Variants in NBEA observed in about 807,000 individuals in gnomAD.
The protein encoded by NBEA is lysosomal-trafficking regulator 2.
In NBEA, 44 loss-of-function variants were observed where a neutral mutation model predicts 343.4. That is an observed-to-expected ratio of 0.13 (90% confidence interval 0.10 to 0.16). The LOEUF is 0.16. NBEA is among the 10% of genes least tolerant of loss of function. The pLI is 1.00. For missense variants in NBEA, 2,555 were observed against 3,631.3 expected (o/e 0.70, Z 7.62); for synonymous variants, 1,175 against 1,238.7 (o/e 0.95, Z 1.08).
chr13:35,601,733 G>A (rs2082055100), intron 47 of NBEA, among the ~76,000 whole-genome samples: 2 of 134,854 alleles, frequency 1.5e-5, no homozygotes. Context: ...TTGGACTCCA[G>A]CCTGGGTGGC....
At chr13:34,952,783 A>C (rs914042652) in intron 1 of NBEA, among the ~76,000 whole-genome samples, 1 of 150,584 alleles carries the variant, frequency 6.6e-6, no homozygotes, top group South Asian at 2.1e-4. Context: ...TCTGAGAAAA[A>C]TAACGCAGCA....
intron 49 of NBEA, among the ~76,000 whole-genome samples, chr13:35,630,105 T>C (rs1758729249): frequency 6.6e-6 from 1 of 152,134 alleles, no homozygotes; most frequent in Non-Finnish European, 1.5e-5. Flanking sequence ...TTAAGCATCT[T>C]ATATGTGATG....
chr13:34,963,451 TC>T (rs1451784905), intron 1 of NBEA, among the ~76,000 whole-genome samples: 1 of 151,942 alleles, frequency 6.6e-6, no homozygotes, highest in African/African-American at 2.4e-5. Flanking sequence ...TGTACTGTGT[TC>T]CCCCCAAAAT....
chr13:35,341,186 G>A (rs1179249641), intron 36 of NBEA, among the ~76,000 whole-genome samples: 5 of 151,874 alleles, frequency 3.3e-5, no homozygotes, highest in African/African-American at 9.7e-5. Context: ...AATGGTGCTG[G>A]AACAACTGGA....
At chr13:34,995,353 A>C (rs1462260305) in intron 1 of NBEA, among the ~76,000 whole-genome samples, 1 of 151,322 alleles carries the variant, frequency 6.6e-6, no homozygotes, top group South Asian at 2.1e-4. Flanking sequence ...GCTACTGAGG[A>C]GGCTGAGGCA....
intron 33 of NBEA, among the ~76,000 whole-genome samples, chr13:35,230,407 C>T (rs1047104374): frequency 2.6e-5 from 4 of 151,960 alleles, no homozygotes; most frequent in Non-Finnish European, 4.4e-5. Flanking sequence ...ACATTAAATC[C>T]AATAGCTATG....
rs1418193940 is a variant in NBEA, at chr13:35,133,748, T to C, written c.2337-8521T>C. 3.9e-5 allele frequency among the ~76,000 whole-genome samples: 6 copies of C among 151,982 alleles called. No homozygotes were observed. In the East Asian group the frequency reaches 1.2e-3, roughly 29 times the overall value. ...TTTCAAAAATACGTGAAGACAAAAT[T>C]GTAAATTGCGTATGAATAGATATTC... On this transcript the variant is annotated intron_variant, in intron 17 of 58. Coordinates refer to ENST00000379939, the MANE Select transcript of NBEA (RefSeq NM_001385012.1).
chr13:35,646,194 A>G, intron 50 of NBEA, 65 bp from the exon 51 acceptor site: 1 of 1,249,874 alleles, frequency 8.0e-7, no homozygotes, highest in Non-Finnish European at 1.2e-6. Flanking sequence ...TGCGTTGTCA[A>G]AGAGTGTGTT....
At chr13:35,578,070 A>T (rs145284676) in intron 45 of NBEA, among the ~76,000 whole-genome samples, 1 of 152,214 alleles carries the variant, frequency 6.6e-6, no homozygotes, top group East Asian at 1.9e-4. Flanking sequence ...AGATAACACG[A>T]TAACTTAGAT....
At chr13:35,651,661 G>A in intron 52 of NBEA, 144 bp from the exon 53 acceptor site, 1 of 632,770 alleles carries the variant, frequency 1.6e-6, no homozygotes, top group East Asian at 2.8e-5. Context: ...GCTGTCTACA[G>A]AGACACATAG....
Position 35,252,494 on chromosome 13 carries a change from C to T in NBEA, c.5776+19875C>T, listed in dbSNP as rs116703284. Among the ~76,000 whole-genome samples the T allele has an allele frequency of 1.9e-3, 297 of 152,340 alleles. 2 individuals carry two copies. The highest frequency in any genetic ancestry group is 6.9e-3 in the African/African-American group (289 of 41,590). ...CCCCAATTCGGGGCCTGCTGGAGCT[C>T]TGGCCTAGGCACTGGCAATTGTCAT... On this transcript the variant is annotated intron_variant, in intron 34 of 58. Coordinates refer to ENST00000379939, the MANE Select transcript of NBEA (RefSeq NM_001385012.1).
chr13:35,283,955 T>G (rs576829844), intron 34 of NBEA, among the ~76,000 whole-genome samples: 1 of 149,352 alleles, frequency 6.7e-6, no homozygotes, highest in South Asian at 2.1e-4. Flanking sequence ...CCTTTTCTCT[T>G]ACAGATATGT....
chr13:35,243,089 G>T (rs1156672060), intron 34 of NBEA, among the ~76,000 whole-genome samples: 2 of 151,708 alleles, frequency 1.3e-5, no homozygotes, highest in Admixed American at 1.3e-4. Flanking sequence ...TATGCTAATG[G>T]GTAAGCAATA....
intron 48 of NBEA, among the ~76,000 whole-genome samples, chr13:35,618,366 G>T (rs1056670993): frequency 2.0e-5 from 3 of 152,122 alleles, no homozygotes; most frequent in Non-Finnish European, 4.4e-5. Flanking sequence ...TGAACAGCAG[G>T]TATTTGATGC....
At chr13:34,989,512 C>G (rs2060673662) in intron 1 of NBEA, among the ~76,000 whole-genome samples, 1 of 150,712 alleles carries the variant, frequency 6.6e-6, no homozygotes, top group African/African-American at 2.4e-5. Flanking sequence ...ACAACCAAAT[C>G]TTATGGGAAC....
intron 41 of NBEA, among the ~76,000 whole-genome samples, chr13:35,547,846 G>A (rs1476359549): frequency 1.3e-5 from 2 of 151,838 alleles, no homozygotes; most frequent in East Asian, 1.9e-4. Flanking sequence ...CCAAGATAAC[G>A]CCACTGCACT....
intron 33 of NBEA, among the ~76,000 whole-genome samples, chr13:35,228,372 C>T (rs2074778802): frequency 1.4e-5 from 2 of 144,068 alleles, no homozygotes; most frequent in Non-Finnish European, 3.0e-5. Flanking sequence ...ATAAGTAATT[C>T]TCTTTTTTTT....
In NBEA at chr13:35,408,427, A is replaced by G. The variant is rs574252143; in HGVS notation, c.6180-23842A>G. Among the ~76,000 whole-genome samples, 5 of 152,354 alleles carry G rather than the reference A, an allele frequency of 3.3e-5. No homozygotes were observed. The South Asian group carries it at 8.3e-4, about 25-fold the overall frequency. On this transcript the variant is annotated intron_variant, in intron 38 of 58. Coordinates refer to ENST00000379939, the MANE Select transcript of NBEA (RefSeq NM_001385012.1). ...AAAACCTTGGAAGATAGCCTAGGCA[A>G]TACCATTCAGGACGTAGGCATGGGC...
At chr13:35,308,520 A>ATATG (rs1472005013) in intron 35 of NBEA, among the ~76,000 whole-genome samples, 103 of 122,258 alleles carry the variant, frequency 8.4e-4, no homozygotes, top group Non-Finnish European at 1.5e-3. Flanking sequence ...ATGTGTATAT[A>ATATG]TGTATATATA....
Sources: gnomAD v4.1 joint callset for allele counts (sites outside exome capture counted in the v4.1 genomes callset) on GRCh38, gnomAD v4.1.1 for gene constraint, MANE v1.5 for transcripts, NCBI Gene and HGNC (gene_info 2026-07-23, HGNC 2026-07-21) for gene names.